Variants in PCNX1 observed in about 807,000 individuals in gnomAD.
PCNX1 encodes the protein pecanex 1.
PCNX1 carries 78 observed loss-of-function variants against 242.2 expected under a neutral mutation model. The observed-to-expected ratio is 0.32, with a 90% CI of 0.27 to 0.39. PCNX1 has a LOEUF of 0.39. Among genes scored for constraint, PCNX1 ranks in the 10% least tolerant of loss-of-function variants. The probability of loss-of-function intolerance (pLI) is 1.00; values close to 1 mark genes in which losing one functional copy is unlikely to be tolerated. For missense variants in PCNX1, 2,581 were observed against 2,856.5 expected (o/e 0.90, Z 2.20); for synonymous variants, 1,024 against 1,032.9 (o/e 0.99, Z 0.17).
chr14:70,979,005 C>A (rs948328787), intron 6 of PCNX1, among the ~76,000 whole-genome samples: 5 of 152,032 alleles, frequency 3.3e-5, no homozygotes, highest in African/African-American at 7.3e-5. Context: ...TTTAAGGGCA[C>A]CAAACCAGTT....
intron 12 of PCNX1, among the ~76,000 whole-genome samples, chr14:71,021,917 T>G (rs2060112883): frequency 6.6e-6 from 1 of 152,222 alleles, no homozygotes; most frequent in Admixed American, 6.5e-5. Flanking sequence ...TCCTTTCCAG[T>G]GAAGTCATCC....
At chr14:70,918,531 T>C (rs1441115998) in intron 1 of PCNX1, among the ~76,000 whole-genome samples, 7 of 152,218 alleles carry the variant, frequency 4.6e-5, no homozygotes, top group Non-Finnish European at 8.8e-5. Flanking sequence ...GTATGAAATA[T>C]TGAAGAGTTA....
chr14:71,067,751 A>T (rs2061484984), intron 26 of PCNX1, among the ~76,000 whole-genome samples: 1 of 152,144 alleles, frequency 6.6e-6, no homozygotes, highest in Non-Finnish European at 1.5e-5. Context: ...TTAGTGCTAT[A>T]AATTTCTCTC....
intron 11 of PCNX1, 77 bp downstream of exon 11, chr14:71,013,279 G>GT (rs1237024289): frequency 2.8e-6 from 3 of 1,087,980 alleles, no homozygotes; most frequent in Non-Finnish European, 4.3e-6. Context: ...ACCCACTGAG[G>GT]TTTTTACCTG....
chr14:71,108,634 C>T lies in PCNX1; in HGVS notation c.6332C>T (p.Ser2111Leu). 3 of 1,613,524 alleles carry T rather than the reference C, an allele frequency of 1.9e-6. No homozygotes were observed. Among genetic ancestry groups the T allele is most frequent in the East Asian group, 2.2e-5 (1 of 44,878 alleles). Residue 2111 changes from serine (S) to leucine (L), a missense_variant, in exon 34 of 36, where the codon TCG becomes TTG. Transcript: ENST00000304743. ...AGCCACAGCTCTCACTCTGTGCAGT[C>T]GGGCCTGGTCAGACAGTCTCCTGCC... ...GTSHSSHSVQ[S>L]GLVRQSPARA...
chr14:70,920,287 C>G (rs900158162), intron 1 of PCNX1, among the ~76,000 whole-genome samples: 2 of 152,124 alleles, frequency 1.3e-5, no homozygotes, highest in Non-Finnish European at 2.9e-5. Flanking sequence ...GGACTATACA[C>G]TTTATTTGGA....
intron 1 of PCNX1, among the ~76,000 whole-genome samples, chr14:70,911,867 T>C (rs2055927768): frequency 6.6e-6 from 1 of 152,228 alleles, no homozygotes; most frequent in Admixed American, 6.5e-5. Flanking sequence ...CTCTGGATTA[T>C]TAAGTCAAAT....
Position 71,084,871 on chromosome 14 carries a change from G to A in PCNX1, c.5338-3459G>A, listed in dbSNP as rs144895592. Among the ~76,000 whole-genome samples, 930 of 152,286 alleles carry A rather than the reference G, an allele frequency of 6.1e-3. 7 individuals carry two copies. Among genetic ancestry groups the A allele is most frequent in the Middle Eastern group, 0.024 (7 of 294 alleles). Reference sequence around the variant, plus strand: ...GGGAGTGAACAGTTCTGTCTCGCTGGCATTCCAGGCGCCACTGGGGTATGA... The same window carrying A: ...GGGAGTGAACAGTTCTGTCTCGCTGACATTCCAGGCGCCACTGGGGTATGA... On this transcript the variant is annotated intron_variant, in intron 28 of 35. Transcript: ENST00000304743.
chr14:70,948,837 T>G (rs1287771006), intron 2 of PCNX1, among the ~76,000 whole-genome samples: 3 of 146,616 alleles, frequency 2.0e-5, no homozygotes, highest in Admixed American at 2.0e-4. Flanking sequence ...CTCGTATAAA[T>G]AAAATGTATG....
At chr14:71,043,474 TTTCCCTCCCTCC>T (rs991527589) in intron 19 of PCNX1, among the ~76,000 whole-genome samples, 1 of 151,902 alleles carries the variant, frequency 6.6e-6, no homozygotes, top group African/African-American at 2.4e-5. Flanking sequence ...CATGTAAGCT[TTTCCCTCCCTCC>T]TTCCCTCTCT....
At position 71,109,957 on chromosome 14, in the gene PCNX1, A is replaced by G. The variant is rs2062723572; in HGVS notation, c.*22A>G. The G allele has an allele frequency of 1.2e-6, 2 of 1,609,978 alleles. No homozygotes were observed. The highest frequency in any genetic ancestry group is 1.3e-5 in the African/African-American group (1 of 74,892). On this transcript the variant is annotated 3_prime_UTR_variant, in exon 36 of 36. Coordinates refer to ENST00000304743, the MANE Select transcript of PCNX1 (RefSeq NM_014982.3). Reference sequence around the variant, plus strand: ...GTGAGCCAGTGTTTATTATAAAGACATTTCTTTTTCCCTCTCAATTCCAAG... The same window carrying G: ...GTGAGCCAGTGTTTATTATAAAGACGTTTCTTTTTCCCTCTCAATTCCAAG...
In PCNX1 at chr14:71,031,229, GTC is replaced by G. The variant is rs564583485; in HGVS notation, c.3559-2199_3559-2198del. 5.0e-4 allele frequency among the ~76,000 whole-genome samples: 76 copies of G among 152,316 alleles called. 1 individual carries two copies. The highest frequency in any genetic ancestry group is 3.4e-3 in the Middle Eastern group (1 of 294). ...ATGGAGAAGGGGCATTTCCTGACCA[GTC>G]AAGGGAAGCTCCCTGGAAGTGTCTG... On this transcript the variant is annotated intron_variant, in intron 16 of 35. Transcript: ENST00000304743.
intron 1 of PCNX1, among the ~76,000 whole-genome samples, chr14:70,937,038 T>TACAATC (rs200491645): frequency 0.44 from 66,710 of 151,498 alleles, 15,982 homozygotes; most frequent in Non-Finnish European, 0.55. Flanking sequence ...TATTAGCCCT[T>TACAATC]TGTCAGATGG....
chr14:70,970,431 T>A (rs1279815523), intron 5 of PCNX1, among the ~76,000 whole-genome samples: 1 of 152,164 alleles, frequency 6.6e-6, no homozygotes, highest in East Asian at 1.9e-4. Context: ...TAATATCCTT[T>A]TCTGTAATAT....
chr14:70,994,369 A>G (rs2140314644), intron 7 of PCNX1, among the ~76,000 whole-genome samples: 1 of 141,024 alleles, frequency 7.1e-6, no homozygotes, highest in South Asian at 2.3e-4. Flanking sequence ...TCCAGAATAT[A>G]TTCTATTATC....
intron 26 of PCNX1, among the ~76,000 whole-genome samples, chr14:71,061,213 C>T (rs2061318099): frequency 6.6e-6 from 1 of 152,080 alleles, no homozygotes; most frequent in African/African-American, 2.4e-5. Context: ...AAATGGAAGC[C>T]CTTTGTGATC....
At chr14:70,973,549 G>A (rs2058603056) in intron 5 of PCNX1, among the ~76,000 whole-genome samples, 1 of 151,994 alleles carries the variant, frequency 6.6e-6, no homozygotes, top group African/African-American at 2.4e-5. Context: ...AGAATTGGAG[G>A]AGAAGAATCA....
At chr14:70,943,581 C>G (rs2057344925) in intron 1 of PCNX1, among the ~76,000 whole-genome samples, 1 of 152,184 alleles carries the variant, frequency 6.6e-6, no homozygotes, top group Non-Finnish European at 1.5e-5. Context: ...GGAAAATTTA[C>G]AGCCTGATGA....
At chr14:71,092,373 A>T (rs1462492424) in intron 30 of PCNX1, among the ~76,000 whole-genome samples, 2 of 152,206 alleles carry the variant, frequency 1.3e-5, no homozygotes, top group Non-Finnish European at 2.9e-5. Flanking sequence ...AAGCGACATC[A>T]TTATATGGCA....
Sources: allele counts gnomAD v4.1 joint callset (sites outside exome capture counted in the v4.1 genomes callset), GRCh38; gene constraint gnomAD v4.1.1; transcripts MANE v1.5; gene names NCBI Gene and HGNC (gene_info 2026-07-23, HGNC 2026-07-21).